The following KSR1 variants were observed in gnomAD, a reference collection of about 807,000 sequenced individuals.
KSR1 encodes kinase suppressor of ras.
Under a neutral mutation model 92.9 loss-of-function variants are expected in KSR1, and 35 were observed. The observed-to-expected ratio is 0.38, with a 90% CI of 0.29 to 0.50. The LOEUF is 0.50. Among genes scored for constraint, KSR1 ranks in the 20% least tolerant of loss-of-function variants. KSR1 has a pLI of 0.94. For missense variants in KSR1, 972 were observed against 1,158.5 expected (o/e 0.84, Z 2.34); for synonymous variants, 467 against 472.6 (o/e 0.99, Z 0.15).
intron 3 of KSR1, among the ~76,000 whole-genome samples, chr17:27,580,030 T>A (rs1168288085): frequency 6.6e-6 from 1 of 151,674 alleles, no homozygotes; most frequent in Non-Finnish European, 1.5e-5. Context: ...GTGACTGTAG[T>A]GTCATTCTCA....
chr17:27,563,243 T>G (rs1250225071), intron 2 of KSR1, among the ~76,000 whole-genome samples: 1 of 152,164 alleles, frequency 6.6e-6, no homozygotes, highest in Admixed American at 6.5e-5. Context: ...TTACTTTCTC[T>G]TTTTCCTTTC....
intron 1 of KSR1, among the ~76,000 whole-genome samples, chr17:27,527,464 G>A (rs1428377353): frequency 2.4e-5 from 3 of 126,042 alleles, no homozygotes; most frequent in Non-Finnish European, 4.8e-5. Flanking sequence ...GTGCAATGGC[G>A]TGATCTTGGC....
chr17:27,601,951 C>A (rs376872717), intron 11 of KSR1: 4 of 1,603,136 alleles, frequency 2.5e-6, no homozygotes, highest in Non-Finnish European at 3.4e-6. Context: ...TAAAGGAAAA[C>A]GCTTTCAGTA....
At chr17:27,547,288 T>C (rs1457932288) in intron 1 of KSR1, among the ~76,000 whole-genome samples, 1 of 152,254 alleles carries the variant, frequency 6.6e-6, no homozygotes, top group Non-Finnish European at 1.5e-5. Context: ...CACATCTCTC[T>C]AGCCACAGGA....
intron 18 of KSR1, chr17:27,612,939 A>G (rs1193683687): frequency 5.3e-5 from 8 of 152,160 alleles, no homozygotes; most frequent in Non-Finnish European, 4.4e-5. Flanking sequence ...ATTTTTCTCA[A>G]TTGACTGGTG....
rs2072817801 is a variant in KSR1, at chr17:27,582,822, C to G, written c.697C>G (p.Leu233Val). The G allele has an allele frequency of 1.2e-6, 2 of 1,613,490 alleles. No individual in the cohort carries two copies. The highest frequency in any genetic ancestry group is 1.3e-5 in the African/African-American group (1 of 75,034). Residue 233 changes from leucine (L) to valine (V), a missense_variant, in exon 4 of 21, where the codon CTG (leucine) becomes GTG (valine). Leu to Val is a conservative substitution (Grantham distance 32, BLOSUM62 1). Coordinates refer to ENST00000644974, the MANE Select transcript of KSR1 (RefSeq NM_001394583.1). ...QGPRSISVSALPASDSPTPSF... is the reference protein window; with the variant it reads ...QGPRSISVSAVPASDSPTPSF... ...CCCACGCTCCATCTCCGTGTCAGCT[C>G]TGCCCGCCTCAGACTCCCCCACCCC...
rs558912909 is a variant in KSR1, at chr17:27,491,203, T to C, written c.231+34329T>C. On this transcript the variant is annotated intron_variant, in intron 1 of 20. Transcript: ENST00000644974. Reference sequence around the variant, plus strand: ...ATAGTGGCATGATACTAGCTCACGGTAGCCTCAAACTCCTGGGCTCAAGTG... The same window carrying C: ...ATAGTGGCATGATACTAGCTCACGGCAGCCTCAAACTCCTGGGCTCAAGTG... 1.1e-4 allele frequency among the ~76,000 whole-genome samples: 17 copies of C among 152,120 alleles called. No homozygotes were observed. The South Asian group carries it at 3.5e-3, about 32-fold the overall frequency.
chr17:27,526,032 CTTT>C (rs1567792421), intron 1 of KSR1, among the ~76,000 whole-genome samples: 186 of 99,178 alleles, frequency 1.9e-3, no homozygotes, highest in Admixed American at 5.1e-3. Context: ...CTTTTCTTTT[CTTT>C]TCTTTTCTTT....
intron 2 of KSR1, chr17:27,558,121 C>T (rs1448128552): frequency 6.6e-6 from 1 of 152,584 alleles, no homozygotes. Flanking sequence ...CAAGCAAGTA[C>T]AGAAGTGTTA....
chr17:27,605,290 C>T (rs1261064176), intron 13 of KSR1, 144 bp from the exon 14 acceptor site: 13 of 1,027,768 alleles, frequency 1.3e-5, no homozygotes, highest in Non-Finnish European at 1.7e-5. Flanking sequence ...GCACAGCAGG[C>T]CAGTGCAGAG....
At chr17:27,503,576 C>T (rs1034000759) in intron 1 of KSR1, among the ~76,000 whole-genome samples, 1 of 152,180 alleles carries the variant, frequency 6.6e-6, no homozygotes, top group Non-Finnish European at 1.5e-5. Context: ...CTGCTCAAAT[C>T]CTGCTTGTGG....
intron 6 of KSR1, 110 bp from the exon 7 acceptor site, chr17:27,590,700 TG>T: frequency 2.1e-6 from 2 of 963,068 alleles, no homozygotes; most frequent in Admixed American, 4.1e-5. Flanking sequence ...CAAGGGGCTC[TG>T]GGATGGAGCC....
At chr17:27,548,837 A>AG (rs1030762202) in intron 1 of KSR1, among the ~76,000 whole-genome samples, 1 of 152,072 alleles carries the variant, frequency 6.6e-6, no homozygotes, top group Non-Finnish European at 1.5e-5. Context: ...AAAAAAAAAA[A>AG]AGAAAAATAT....
intron 1 of KSR1, among the ~76,000 whole-genome samples, chr17:27,545,898 G>A (rs2071155726): frequency 6.6e-6 from 1 of 152,236 alleles, no homozygotes; most frequent in African/African-American, 2.4e-5. Flanking sequence ...ATGTTGGCCT[G>A]TGGTGGCGAA....
At chr17:27,492,560 A>G (rs1251350119) in intron 1 of KSR1, among the ~76,000 whole-genome samples, 2 of 152,120 alleles carry the variant, frequency 1.3e-5, no homozygotes, top group African/African-American at 4.8e-5. Context: ...TAACATTCCC[A>G]ACTCAGGGGA....
At chr17:27,526,743 G>T (rs1240833187) in intron 1 of KSR1, 2 of 1,240,220 alleles carry the variant, frequency 1.6e-6, no homozygotes, top group Admixed American at 3.8e-5. Flanking sequence ...GTTGGAAAAC[G>T]TATGAACTCT....
chr17:27,573,030 C>T (rs2072372388), intron 2 of KSR1, among the ~76,000 whole-genome samples: 1 of 152,182 alleles, frequency 6.6e-6, no homozygotes, highest in Non-Finnish European at 1.5e-5. Flanking sequence ...GGAGTACTTG[C>T]TACTGGGCCT....
chr17:27,582,753 C>T lies in KSR1; in HGVS notation c.628C>T (p.Pro210Ser), dbSNP rs2072813791. The change falls in exon 4 of 21, where the codon CCA (proline) becomes TCA (serine). Residue 210 changes from proline (P) to serine (S), a missense_variant. Physicochemically the swap from Pro to Ser is moderately conservative, Grantham distance 74. Coordinates refer to ENST00000644974, the MANE Select transcript of KSR1 (RefSeq NM_001394583.1). ...CTCAGCAGCCAGCCTGCCCTGGCCC[C>T]CAGGGAGCTCCCAGCTGGGCAGAGC... is the stretch of plus-strand genomic sequence containing the variant. ...TLSAASLPWP[P>S]GSSQLGRAGN... 2 of 1,613,754 alleles carry T rather than the reference C, an allele frequency of 1.2e-6. No individual in the cohort carries two copies. The highest frequency in any genetic ancestry group is 1.7e-5 in the Admixed American group (1 of 59,994).
intron 1 of KSR1, among the ~76,000 whole-genome samples, chr17:27,505,736 T>C (rs2069356252): frequency 6.6e-6 from 1 of 152,236 alleles, no homozygotes; most frequent in Admixed American, 6.5e-5. Context: ...ATCATACACA[T>C]GTTTGCTGTT....
Sources: gnomAD v4.1 joint callset for allele counts (sites outside exome capture counted in the v4.1 genomes callset) on GRCh38, gnomAD v4.1.1 for gene constraint, MANE v1.5 for transcripts, NCBI Gene and HGNC (gene_info 2026-07-23, HGNC 2026-07-21) for gene names.